Variants in CFAP54 observed in about 807,000 individuals in gnomAD.
The protein encoded by CFAP54 is cilia and flagella associated protein 54, also known as cilia- and flagella-associated protein 54.
Under a neutral mutation model 370.4 loss-of-function variants are expected in CFAP54, and 290 were observed. That is an observed-to-expected ratio of 0.78 (90% CI 0.71 to 0.86). The LOEUF (loss-of-function observed/expected upper bound fraction) is 0.86, where lower values mean the gene tolerates loss of function less well. Ranked by LOEUF, CFAP54 falls within the 40% of genes least tolerant of loss-of-function variation. The pLI, the probability that CFAP54 is intolerant of heterozygous loss-of-function variation, is 0.00. For synonymous variants in CFAP54, 1,206 were observed against 1,236.5 expected (o/e 0.98, Z 0.52); for missense variants, 3,399 against 3,528.7 (o/e 0.96, Z 0.93).
chr12:96,500,842 C>A lies in CFAP54; in HGVS notation c.326C>A (p.Ser109Tyr), dbSNP rs748958807. ...TTTTATGATTTTTACAGTGCCACTT[C>A]TTTGTTTAATATCTGGACTAAATAC... ...KHEFRRRCAT[S>Y]LFNIWTKYAP... Residue 109 changes from serine (S) to tyrosine (Y), a missense_variant, in exon 2 of 68, where the codon TCT becomes TAT. Ser to Tyr is a moderately radical substitution (Grantham distance 144). Coordinates refer to ENST00000524981, the MANE Select transcript of CFAP54 (RefSeq NM_001306084.2). 9.2e-6 allele frequency: 14 copies of A among 1,526,218 alleles called. No homozygotes were observed. Among genetic ancestry groups the A allele is most frequent in the Admixed American group, 6.1e-5 (3 of 49,254 alleles). 94.5% of individuals were successfully genotyped at this position (1,526,218 alleles called of 1,614,324 possible).
At chr12:96,528,990 A>G (rs1254535757) in intron 9 of CFAP54, among the ~76,000 whole-genome samples, 3 of 152,176 alleles carry the variant, frequency 2.0e-5, no homozygotes, top group African/African-American at 7.2e-5. Flanking sequence ...TATTGGAGTA[A>G]GAATATTTTC....
At chr12:96,812,039 A>C (rs1232886489) in intron 64 of CFAP54, among the ~76,000 whole-genome samples, 197 bp downstream of exon 64, 1 of 152,192 alleles carries the variant, frequency 6.6e-6, no homozygotes, top group Non-Finnish European at 1.5e-5. Flanking sequence ...TCATTCAAAT[A>C]CCAGTTGTGC....
intron 63 of CFAP54, among the ~76,000 whole-genome samples, chr12:96,799,269 A>G (rs1958797384): frequency 6.6e-6 from 1 of 152,206 alleles, no homozygotes; most frequent in African/African-American, 2.4e-5. Context: ...GGGACATTCC[A>G]CCATAGAATT....
chr12:96,645,008 G>C (rs910083125), intron 33 of CFAP54: 3 of 352,544 alleles, frequency 8.5e-6, no homozygotes, highest in African/African-American at 6.4e-5. Context: ...TTCAGTGCAA[G>C]GGTAAAATGT....
At chr12:96,826,292 CA>C (rs1454516296) in intron 65 of CFAP54, among the ~76,000 whole-genome samples, 3 of 75,422 alleles carry the variant, frequency 4.0e-5, no homozygotes, top group African/African-American at 1.6e-4. Context: ...ATATTCAAGA[CA>C]TATATATATA....
intron 64 of CFAP54, among the ~76,000 whole-genome samples, chr12:96,815,553 C>A (rs1363171890): frequency 6.6e-6 from 1 of 152,156 alleles, no homozygotes; most frequent in African/African-American, 2.4e-5. Context: ...TGTGCAGAAA[C>A]TCTTTAGTTT....
At chr12:96,551,838 T>C (rs1255103505) in intron 15 of CFAP54, among the ~76,000 whole-genome samples, 1 of 152,204 alleles carries the variant, frequency 6.6e-6, no homozygotes, top group Non-Finnish European at 1.5e-5. Context: ...AGCCCTTTAA[T>C]AGTGGTATAA....
intron 8 of CFAP54, among the ~76,000 whole-genome samples, chr12:96,524,030 G>A (rs1370200565): frequency 6.6e-6 from 1 of 151,922 alleles, no homozygotes; most frequent in Non-Finnish European, 1.5e-5. Context: ...ATATTTTGCA[G>A]AATGTCCTGT....
At chr12:96,854,109 C>A (rs1424706669) in intron 66 of CFAP54, among the ~76,000 whole-genome samples, 1 of 151,898 alleles carries the variant, frequency 6.6e-6, no homozygotes, top group African/African-American at 2.4e-5. Context: ...ATTATTATTT[C>A]TTTGTTTCCT....
rs1191569812 is a variant in CFAP54 at position 96,489,785 on chromosome 12, C to T, written c.176C>T (p.Ala59Val). The T allele has an allele frequency of 2.0e-6, 3 of 1,536,178 alleles. No homozygotes were observed. ...WTCPEDSLPL[A>V]VFYGPLDAKN... ...TGCCCCGAGGACTCATTGCCCCTAG[C>T]CGTGTTTTATGGGCCGCTGGACGCG... is the stretch of plus-strand genomic sequence containing the variant. The change falls in exon 1 of 68, where the codon GCC (alanine) becomes GTC (valine). Residue 59 changes from alanine (A) to valine (V), a missense_variant. Ala to Val is a moderately conservative substitution (Grantham distance 64). Coordinates refer to ENST00000524981, the MANE Select transcript of CFAP54 (RefSeq NM_001306084.2).
intron 32 of CFAP54, among the ~76,000 whole-genome samples, chr12:96,631,514 T>G (rs747438801): frequency 2.6e-5 from 4 of 151,514 alleles, no homozygotes; most frequent in Non-Finnish European, 4.4e-5. Flanking sequence ...TGTTTGTGAT[T>G]TTTTGAAATG....
intron 61 of CFAP54, among the ~76,000 whole-genome samples, chr12:96,785,739 A>G (rs1430660450): frequency 6.6e-6 from 1 of 152,142 alleles, no homozygotes; most frequent in Non-Finnish European, 1.5e-5. Flanking sequence ...ACTTCCCACA[A>G]GTGCCATGTC....
intron 9 of CFAP54, among the ~76,000 whole-genome samples, chr12:96,530,064 C>A (rs1027497097): frequency 8.5e-5 from 13 of 152,192 alleles, no homozygotes; most frequent in Admixed American, 5.2e-4. Context: ...GTTGACACAG[C>A]ACCATTTATT....
intron 66 of CFAP54, among the ~76,000 whole-genome samples, chr12:96,846,447 C>T (rs993606736): frequency 6.6e-6 from 1 of 152,128 alleles, no homozygotes. Context: ...CCTTTATTAG[C>T]TCTTTACAGG....
intron 64 of CFAP54, among the ~76,000 whole-genome samples, chr12:96,814,376 A>G (rs1257643663): frequency 6.6e-6 from 1 of 152,184 alleles, no homozygotes; most frequent in African/African-American, 2.4e-5. Flanking sequence ...TTCCAGTCTT[A>G]CAGTAGAAGG....
Position 96,708,797 on chromosome 12 carries a change from T to G in CFAP54, c.6718T>G (p.Leu2240Val). 1 of 1,592,974 alleles carries G rather than the reference T, an allele frequency of 6.3e-7. No individual in the cohort carries two copies. The highest frequency in any genetic ancestry group is 8.5e-7 in the Non-Finnish European group (1 of 1,170,426). ...TNKSKPNLPNLEEIYSKDDGS... is the reference protein window; with the variant it reads ...TNKSKPNLPNVEEIYSKDDGS... ...CAAGAGCAAACCAAACCTACCAAAC[T>G]TGGAAGGTAATTGTTTTATTTTTTG... is the stretch of plus-strand genomic sequence containing the variant. Residue 2240 changes from leucine to valine, a missense_variant, in exon 48 of 68, where the codon TTG (leucine) becomes GTG (valine). Leu to Val is a conservative substitution (Grantham distance 32, BLOSUM62 1). This residue lies in a region of CFAP54 where 2,796 missense variants were observed against 2,869.7 expected (regional missense o/e 0.97). Transcript: ENST00000524981.
intron 32 of CFAP54, among the ~76,000 whole-genome samples, chr12:96,634,046 CTTTTTTTTTTTTTTT>C (rs71437232): frequency 5.3e-5 from 3 of 56,866 alleles, no homozygotes; most frequent in Admixed American, 2.6e-4. Context: ...TAGCGAACAT[CTTTTTTTTTTTTTTT>C]TTTTTTTTTT....
intron 65 of CFAP54, 35 bp from the exon 66 acceptor site, chr12:96,828,979 T>A: frequency 9.0e-7 from 1 of 1,111,272 alleles, no homozygotes; most frequent in Admixed American, 2.3e-5. Flanking sequence ...TCTAATAATA[T>A]CAACCTCACT....
chr12:96,647,781 A>C (rs986054521), intron 33 of CFAP54, 94 bp from the exon 34 acceptor site: 17 of 1,196,226 alleles, frequency 1.4e-5, no homozygotes, highest in Non-Finnish European at 1.8e-5. Context: ...GGGAGTACTC[A>C]CAAATGTTTT....
Sources: gnomAD v4.1 joint callset for allele counts (sites outside exome capture counted in the v4.1 genomes callset) on GRCh38, gnomAD v4.1.1 for gene constraint, gnomAD v4.1.1 regional missense constraint, MANE v1.5 for transcripts, NCBI Gene and HGNC (gene_info 2026-07-23, HGNC 2026-07-21) for gene names.